IRF8: variants seen among roughly 807,000 people sequenced by gnomAD.
The protein encoded by IRF8 is interferon consensus sequence binding protein 1.
In IRF8, 14 loss-of-function variants were observed where a neutral mutation model predicts 48.7. That is an observed-to-expected ratio of 0.29 (90% CI 0.19 to 0.45). The LOEUF is 0.45. Ranked by LOEUF, IRF8 falls within the 20% of genes least tolerant of loss-of-function variation. IRF8 has a pLI of 1.00. For synonymous variants in IRF8, 278 were observed against 227.3 expected (o/e 1.22, Z -2.01); for missense variants, 493 against 580.7 (o/e 0.85, Z 1.55).
chr16:85,915,163 G>A (rs1238526744), intron 6 of IRF8, among the ~76,000 whole-genome samples: 3 of 152,214 alleles, frequency 2.0e-5, no homozygotes. Flanking sequence ...GGTGGGCAGA[G>A]GTGGCCTTTG....
Position 85,914,475 on chromosome 16 carries a change from G to A in IRF8, c.556G>A (p.Val186Met), listed in dbSNP as rs767204633. 2.1e-5 allele frequency: 34 copies of A among 1,614,040 alleles called. No individual in the cohort carries two copies. The highest frequency in any genetic ancestry group is 2.3e-5 in the Non-Finnish European group (27 of 1,180,028). ...TTGCTTTTCTGTTTCTCCTGCAGGC[G>A]TGCCGCTGGTGACGGGGTACACCAC... The part of the protein sequence containing the change: ...DWWAQQPSTG[V>M]PLVTGYTTYD... The change falls in exon 6 of 9, where the codon GTG becomes ATG. Residue 186 changes from valine (V) to methionine (M), a missense_variant and splice_region_variant. Physicochemically the swap from Val to Met is conservative, Grantham distance 21 (BLOSUM62 1). This residue lies in a region of IRF8 where 408 missense variants were observed against 449.6 expected (regional missense o/e 0.91). Transcript: ENST00000268638.
At position 85,921,297 on chromosome 16, in the gene IRF8, C is replaced by A; in HGVS notation, c.*15C>A. 1 of 1,612,124 alleles carries A rather than the reference C, an allele frequency of 6.2e-7. No homozygotes were observed. Among genetic ancestry groups the A allele is most frequent in the Non-Finnish European group, 8.5e-7 (1 of 1,179,680 alleles). ...TCACCGTCTAAGTGCGTCGCTTGGG[C>A]GCCCCACCCCGTCTGCGTCCTGCAT... On this transcript the variant is annotated 3_prime_UTR_variant, in exon 9 of 9. Coordinates refer to ENST00000268638, the MANE Select transcript of IRF8 (RefSeq NM_002163.4).
intron 2 of IRF8, among the ~76,000 whole-genome samples, chr16:85,904,471 T>C (rs1278439905): frequency 1.3e-5 from 2 of 152,108 alleles, no homozygotes; most frequent in Non-Finnish European, 2.9e-5. Context: ...CATAAATAGG[T>C]CAAAGGTAGC....
At chr16:85,908,084 T>TA (rs1461797325) in intron 2 of IRF8, among the ~76,000 whole-genome samples, 1 of 152,258 alleles carries the variant, frequency 6.6e-6, no homozygotes, top group African/African-American at 2.4e-5. Flanking sequence ...TTGCGAAAGT[T>TA]ACTTACCTCT....
intron 6 of IRF8, among the ~76,000 whole-genome samples, chr16:85,915,604 G>T (rs1224206820): frequency 6.6e-6 from 1 of 152,226 alleles, no homozygotes; most frequent in African/African-American, 2.4e-5. Flanking sequence ...GGTCGCGCAG[G>T]CCTCTGGCTG....
At chr16:85,912,235 C>G (rs1276639847) in intron 4 of IRF8, among the ~76,000 whole-genome samples, 1 of 152,240 alleles carries the variant, frequency 6.6e-6, no homozygotes, top group East Asian at 1.9e-4. Flanking sequence ...GGCAAGAATA[C>G]ATGGCTTTTG....
intron 6 of IRF8, among the ~76,000 whole-genome samples, chr16:85,915,853 G>T (rs9928776): frequency 0.062 from 9,478 of 152,258 alleles, 952 homozygotes; most frequent in African/African-American, 0.21. Flanking sequence ...TAGTCCAGCA[G>T]GGTCATAGCC....
rs79625116 is a variant in IRF8 at position 85,919,227 on chromosome 16, G to A, written c.988+424G>A. Among the ~76,000 whole-genome samples, 1,270 of 152,296 alleles carry A rather than the reference G, an allele frequency of 8.3e-3. 25 individuals carry two copies. Among genetic ancestry groups the A allele is most frequent in the African/African-American group, 0.029 (1,190 of 41,548 alleles). ...GATCTGTGTACAGGTTTTGAGACAC[G>A]CTGACTTTCCGCACACTAAGTGCTC... On this transcript the variant is annotated intron_variant, in intron 7 of 8. Coordinates refer to ENST00000268638, the MANE Select transcript of IRF8 (RefSeq NM_002163.4).
At chr16:85,911,344 A>T (rs1288121444) in intron 3 of IRF8, among the ~76,000 whole-genome samples, 1 of 152,240 alleles carries the variant, frequency 6.6e-6, no homozygotes, top group African/African-American at 2.4e-5. Flanking sequence ...TAAAAGTGTT[A>T]GCAGAAACAA....
chr16:85,921,078 C>T (rs756267366), intron 8 of IRF8, 28 bp from the exon 9 acceptor site: 1 of 1,598,112 alleles, frequency 6.3e-7, no homozygotes, highest in African/African-American at 1.3e-5. Context: ...TCCGCCTCTG[C>T]CTCTGACTTT....
intron 6 of IRF8, among the ~76,000 whole-genome samples, chr16:85,915,822 G>C (rs978979403): frequency 3.9e-5 from 6 of 152,190 alleles, no homozygotes; most frequent in Admixed American, 3.9e-4. Flanking sequence ...GGCACAATTT[G>C]GGGAGAGCAT....
intron 3 of IRF8, among the ~76,000 whole-genome samples, chr16:85,910,556 C>A (rs1287372199): frequency 6.6e-6 from 1 of 152,198 alleles, no homozygotes; most frequent in Non-Finnish European, 1.5e-5. Context: ...CCTACTGCCA[C>A]CCCCAAGATC....
chr16:85,909,441 C>T (rs1243399621), intron 3 of IRF8: 12 of 484,324 alleles, frequency 2.5e-5, no homozygotes, highest in Non-Finnish European at 4.2e-5. Flanking sequence ...CAGGAACAAG[C>T]ATCCTCCAGC....
intron 2 of IRF8, among the ~76,000 whole-genome samples, chr16:85,905,864 G>T (rs1181850641): frequency 6.6e-6 from 1 of 152,216 alleles, no homozygotes; most frequent in Non-Finnish European, 1.5e-5. Flanking sequence ...GATGGTAAAA[G>T]GGGCCACTTA....
Position 85,921,510 on chromosome 16 carries a change from G to A in IRF8, c.*228G>A. On this transcript the variant is annotated 3_prime_UTR_variant, in exon 9 of 9. Coordinates refer to ENST00000268638, the MANE Select transcript of IRF8 (RefSeq NM_002163.4). ...CCTGGATGCTGTAACCACAACCTGTGGCTAAAAATTTTATTTTCTATCCTT... is the reference window on the plus strand; with the variant it reads ...CCTGGATGCTGTAACCACAACCTGTAGCTAAAAATTTTATTTTCTATCCTT... The A allele has an allele frequency of 8.8e-6, 5 of 565,326 alleles. No individual in the cohort carries two copies. The South Asian group carries it at 1.0e-4, about 12-fold the overall frequency. 35.0% of individuals were successfully genotyped at this position (565,326 alleles called of 1,614,324 possible). A position where few individuals can be genotyped will look rare whatever the true frequency, so the allele number is the denominator to read the frequency against.
intron 1 of IRF8, among the ~76,000 whole-genome samples, chr16:85,899,705 A>G (rs1048322510): frequency 5.9e-5 from 9 of 152,314 alleles, no homozygotes; most frequent in Non-Finnish European, 5.9e-5. Context: ...AATGACAGTC[A>G]ATTAAGATTT....
intron 2 of IRF8, among the ~76,000 whole-genome samples, chr16:85,905,855 A>T (rs529628862): frequency 1.2e-4 from 18 of 152,356 alleles, no homozygotes; most frequent in African/African-American, 4.3e-4. Flanking sequence ...TAATAAGTGG[A>T]TGGTAAAAGG....
chr16:85,899,382 C>T (rs2270501), intron 1 of IRF8, among the ~76,000 whole-genome samples, 159 bp downstream of exon 1: 20,901 of 152,302 alleles, frequency 0.14, 1,786 homozygotes, highest in East Asian at 0.23. Context: ...TGCCTATTTT[C>T]CAGCCACCTA....
At position 85,918,715 on chromosome 16, in the gene IRF8, C is replaced by T. The variant is rs146986764; in HGVS notation, c.900C>T (p.Ser300=). Residue 300 remains serine, a synonymous_variant, in exon 7 of 9, where the codon AGC becomes AGT. Coordinates refer to ENST00000268638, the MANE Select transcript of IRF8 (RefSeq NM_002163.4). ...TGTGCCAGGGCCGCGTGTTCTGCAGCGGCAACGCCGTGGTGTGCAAAGGCA... is the reference window on the plus strand; with the variant it reads ...TGTGCCAGGGCCGCGTGTTCTGCAGTGGCAACGCCGTGGTGTGCAAAGGCA... ...KRLCQGRVFC[S]GNAVVCKGRP... The T allele has an allele frequency of 2.3e-5, 37 of 1,612,442 alleles. No individual in the cohort carries two copies. In the African/African-American group the frequency reaches 3.5e-4, roughly 15 times the overall value.
Sources: allele counts gnomAD v4.1 joint callset (sites outside exome capture counted in the v4.1 genomes callset), GRCh38; gene constraint gnomAD v4.1.1; regional missense constraint gnomAD v4.1.1; transcripts MANE v1.5; gene names NCBI Gene and HGNC (gene_info 2026-07-23, HGNC 2026-07-21).